The following NECTIN1 variants were observed in gnomAD, a reference collection of about 807,000 sequenced individuals.
NECTIN1 encodes nectin-1.
NECTIN1 carries 23 observed loss-of-function variants against 48.0 expected under a neutral mutation model. That is an observed-to-expected ratio of 0.48 (90% CI 0.34 to 0.68). The LOEUF (loss-of-function observed/expected upper bound fraction) is 0.68. NECTIN1 is among the 30% of genes least tolerant of loss of function. The pLI is 0.01. For missense variants in NECTIN1, 591 were observed against 709.9 expected, an observed-to-expected ratio of 0.83 and a Z score of 1.90; for synonymous variants, 270 against 288.9, an observed-to-expected ratio of 0.93 and a Z score of 0.66.
rs767573357 is a variant in NECTIN1, at chr11:119,664,850, C to T, written c.1451G>A (p.Arg484Gln). ...AEARQDGYGD[R>Q]TLGYQYDPEQ... ...AGGGTCGTACTGGTAGCCCAGAGTC[C>T]GGTCCCCGTAGCCGTCCTGACGGGC... Residue 484 changes from arginine (R) to glutamine (Q), a missense_variant, in exon 6 of 6, where the codon CGG becomes CAG. Coordinates refer to ENST00000264025, the MANE Select transcript of NECTIN1 (RefSeq NM_002855.5). 12 of 1,613,786 alleles carry T rather than the reference C, an allele frequency of 7.4e-6. No individual in the cohort carries two copies. Among genetic ancestry groups the T allele is most frequent in the East Asian group, 2.2e-5 (1 of 44,882 alleles).
Position 119,678,493 on chromosome 11 carries a change from C to CCTCCAG in NECTIN1, c.346_351dup (p.Leu116_Glu117dup), listed in dbSNP as rs777768580. The CCTCCAG allele has an allele frequency of 6.2e-7, 1 of 1,614,272 alleles. No homozygotes were observed. The highest frequency in any genetic ancestry group is 8.5e-7 in the Non-Finnish European group (1 of 1,180,054). On this transcript the variant is annotated inframe_insertion, in exon 2 of 6. Coordinates refer to ENST00000264025, the MANE Select transcript of NECTIN1 (RefSeq NM_002855.5). The surrounding 1 kb of genome is among the most constrained non-coding windows in gnomAD (Gnocchi z 4.4). ...AACTCGCAGATGTAGACACCCTCATCCTCCAGCTCCAGGCGGGAGAGGCGG... is the reference window on the plus strand; with the variant it reads ...AACTCGCAGATGTAGACACCCTCATCCTCCAGCTCCAGCTCCAGGCGGGAGAGGCGG...
rs564592804 is a variant in NECTIN1 at position 119,706,299 on chromosome 11, T to C, written c.79+22176A>G. Among the ~76,000 whole-genome samples the C allele has an allele frequency of 3.8e-4, 58 of 152,320 alleles. No individual in the cohort carries two copies. In the South Asian group the frequency reaches 5.0e-3, roughly 13 times the overall value. ...AAAGGCAATTAGACAGGTTTGTTTTTGTAGGGGCAGAAGGTCTGTTTGGCA... is the reference window on the plus strand; with the variant it reads ...AAAGGCAATTAGACAGGTTTGTTTTCGTAGGGGCAGAAGGTCTGTTTGGCA... On this transcript the variant is annotated intron_variant, in intron 1 of 5. Coordinates refer to ENST00000264025, the MANE Select transcript of NECTIN1 (RefSeq NM_002855.5).
rs367719700 is a variant in NECTIN1 at position 119,638,908 on chromosome 11, G to A, written c.1152-102C>T. On this transcript the variant is annotated intron_variant, in intron 6 of 7. Transcript: ENST00000341398. The stretch of plus-strand genomic sequence containing the variant: ...CGGTCCCTGAGCCCCACTCACAAGA[G>A]CAGGCCCGGGAGCTCTGCTTCCCAG... 205 of 1,079,626 alleles carry A rather than the reference G, an allele frequency of 1.9e-4. 1 individual carries two copies. The African/African-American group carries it at 2.4e-3, about 13-fold the overall frequency. 66.9% of individuals were successfully genotyped at this position (1,079,626 alleles called of 1,614,324 possible).
In NECTIN1 at chr11:119,715,015, G is replaced by A. The variant is rs1455832524; in HGVS notation, c.79+13460C>T. Among the ~76,000 whole-genome samples, 4 of 152,206 alleles carry A rather than the reference G, an allele frequency of 2.6e-5. No homozygotes were observed. The East Asian group carries it at 5.8e-4, about 22-fold the overall frequency. On this transcript the variant is annotated intron_variant, in intron 1 of 5. Coordinates refer to ENST00000264025, the MANE Select transcript of NECTIN1 (RefSeq NM_002855.5). The stretch of plus-strand genomic sequence containing the variant: ...CTGCAGGATCACATGAGCTCCATGC[G>A]ATTCCAACACTAATGGGAGGGAGCT...
intron 1 of NECTIN1, among the ~76,000 whole-genome samples, chr11:119,682,705 G>A (rs1424901608): frequency 6.6e-6 from 1 of 152,190 alleles, no homozygotes; most frequent in African/African-American, 2.4e-5. Context: ...AACTCAGAAA[G>A]CAGCACTTAG....
chr11:119,660,367 T>G (rs765403859), downstream of NECTIN1, among the ~76,000 whole-genome samples: 57 of 151,920 alleles, frequency 3.8e-4, no homozygotes, highest in Non-Finnish European at 7.7e-4. Context: ...CAAGAAGACC[T>G]TCTCTCCAAA....
chr11:119,675,474 G>T, intron 4 of NECTIN1, 164 bp from the exon 5 acceptor site: 1 of 678,632 alleles, frequency 1.5e-6, no homozygotes, highest in Non-Finnish European at 2.5e-6. Flanking sequence ...TCTTTCACTT[G>T]GTAGTTTTAT....
chr11:119,664,445 G>C lies in NECTIN1; in HGVS notation c.*302C>G, dbSNP rs893168764. On this transcript the variant is annotated 3_prime_UTR_variant, in exon 6 of 6. Coordinates refer to ENST00000264025, the MANE Select transcript of NECTIN1 (RefSeq NM_002855.5). ...GGAGGGATGCCCAGGTACACAAGAC[G>C]AGAACAGGGCTCCCTACACAGAGGG... 2 of 1,186,014 alleles carry C rather than the reference G, an allele frequency of 1.7e-6. No homozygotes were observed. Among genetic ancestry groups the C allele is most frequent in the Non-Finnish European group, 1.0e-6 (1 of 954,652 alleles). 73.5% of individuals were successfully genotyped at this position (1,186,014 alleles called of 1,614,324 possible). A position where few individuals can be genotyped will look rare whatever the true frequency, so the allele number is the denominator to read the frequency against.
chr11:119,660,271 C>A (rs1270029344), downstream of NECTIN1, among the ~76,000 whole-genome samples: 1 of 152,128 alleles, frequency 6.6e-6, no homozygotes, highest in Non-Finnish European at 1.5e-5. Flanking sequence ...CCACTCCCAC[C>A]CCCAGGATCG....
At chr11:119,691,548 G>A (rs1299354089) in intron 1 of NECTIN1, among the ~76,000 whole-genome samples, 1 of 152,230 alleles carries the variant, frequency 6.6e-6, no homozygotes, top group African/African-American at 2.4e-5. Flanking sequence ...GCTACAGCAG[G>A]GCCTGTGGAC....
chr11:119,714,531 C>T (rs1024856330), intron 1 of NECTIN1, among the ~76,000 whole-genome samples: 3 of 152,134 alleles, frequency 2.0e-5, no homozygotes, highest in African/African-American at 7.2e-5. Flanking sequence ...CCCAGCCCAC[C>T]GCAGGGTGAA....
At chr11:119,652,572 C>T (rs1230219392) in intron 5 of NECTIN1, among the ~76,000 whole-genome samples, 1 of 152,174 alleles carries the variant, frequency 6.6e-6, no homozygotes, top group Non-Finnish European at 1.5e-5. Context: ...CTCTGATAGT[C>T]ATATGAAAAA....
At chr11:119,638,631 G>A (rs1864272346) in intron 7 of NECTIN1, 1 of 1,104,826 alleles carries the variant, frequency 9.1e-7, no homozygotes, top group Non-Finnish European at 1.3e-6. Context: ...TGAAGGCGTG[G>A]CGGCTCTGTC....
Position 119,662,284 on chromosome 11 carries a change from A to G in NECTIN1, c.*2463T>C, listed in dbSNP as rs767711364. 1 of 985,676 alleles carries G rather than the reference A, an allele frequency of 1.0e-6. No homozygotes were observed. Among genetic ancestry groups the G allele is most frequent in the Non-Finnish European group, 1.2e-6 (1 of 829,942 alleles). The allele number at this position is 985,676 out of a possible 1,614,324, so 61.1% of individuals were successfully genotyped here. On this transcript the variant is annotated 3_prime_UTR_variant, in exon 6 of 6. Transcript: ENST00000264025. This position sits in a 1 kb window ranked among gnomAD's most constrained non-coding sequence, Gnocchi z 5.3. ...CCAGCAGTAGTGCCCACCTTCCCAC[A>G]AACTTGGGGCACAGAAAACCTCACA...
At chr11:119,695,267 C>G (rs576154528) in intron 1 of NECTIN1, among the ~76,000 whole-genome samples, 1 of 152,244 alleles carries the variant, frequency 6.6e-6, no homozygotes, top group African/African-American at 2.4e-5. Context: ...CAATCTGTCC[C>G]TGCCCATATT....
chr11:119,695,486 C>T (rs776799957), intron 1 of NECTIN1, among the ~76,000 whole-genome samples: 11 of 152,182 alleles, frequency 7.2e-5, no homozygotes, highest in Non-Finnish European at 1.3e-4. Context: ...TGCTCACCCC[C>T]GACGTCCCAG....
chr11:119,696,381 C>A (rs1865340600), intron 1 of NECTIN1, among the ~76,000 whole-genome samples: 1 of 152,188 alleles, frequency 6.6e-6, no homozygotes, highest in Admixed American at 6.5e-5. Context: ...GCAGAGTGGG[C>A]CTCTTGTCAG....
chr11:119,720,344 G>C (rs1320298875), intron 1 of NECTIN1, among the ~76,000 whole-genome samples: 1 of 152,272 alleles, frequency 6.6e-6, no homozygotes. Context: ...ATGTACCCCA[G>C]ACCAGCTGCT....
At chr11:119,647,385 G>A (rs1864413157) in intron 5 of NECTIN1, among the ~76,000 whole-genome samples, 1 of 152,000 alleles carries the variant, frequency 6.6e-6, no homozygotes, top group Non-Finnish European at 1.5e-5. Context: ...AGGAACCTGA[G>A]CAAGGCCGAC....
Sources: allele counts gnomAD v4.1 joint callset (sites outside exome capture counted in the v4.1 genomes callset), GRCh38; gene constraint gnomAD v4.1.1; non-coding constraint Gnocchi (gnomAD v3.1); transcripts MANE v1.5; gene names NCBI Gene and HGNC (gene_info 2026-07-23, HGNC 2026-07-21).